The following DNAJC3 variants were observed in gnomAD, a reference collection of about 807,000 sequenced individuals.
DNAJC3 encodes the protein dnaJ homolog subfamily C member 3.
A neutral mutation model predicts 68.6 loss-of-function variants in DNAJC3; 38 were observed. That is an observed-to-expected ratio of 0.55 (90% confidence interval 0.43 to 0.73). The LOEUF is 0.73. Ranked by LOEUF, DNAJC3 falls within the 30% of genes least tolerant of loss-of-function variation. The pLI is 0.00. For missense variants in DNAJC3, 526 were observed against 591.9 expected, an observed-to-expected ratio of 0.89 and a Z score of 1.16; for synonymous variants, 203 against 204.0, an observed-to-expected ratio of 1.00 and a Z score of 0.04.
Position 95,760,804 on chromosome 13 carries a change from AATAT to A in DNAJC3, c.848+7_848+10del. On this transcript the variant is annotated splice_region_variant and intron_variant, in intron 7 of 11. Coordinates refer to ENST00000602402, the MANE Select transcript of DNAJC3 (RefSeq NM_006260.5). ...GAGCTCATCAGAGATGGCAGGTGAG[AATAT>A]GGTTGTTCCAACTGTCCAGCCATTC... The A allele has an allele frequency of 6.2e-7, 1 of 1,609,880 alleles. No individual in the cohort carries two copies. Among genetic ancestry groups the A allele is most frequent in the Non-Finnish European group, 8.5e-7 (1 of 1,177,990 alleles).
chr13:95,777,728 G>GA (rs1354787200), intron 9 of DNAJC3, among the ~76,000 whole-genome samples: 1 of 152,084 alleles, frequency 6.6e-6, no homozygotes, highest in African/African-American at 2.4e-5. Context: ...ATAATGGTAG[G>GA]ATACTTCAGT....
intron 4 of DNAJC3, among the ~76,000 whole-genome samples, chr13:95,726,370 A>C (rs903321955): frequency 1.1e-4 from 17 of 152,222 alleles, no homozygotes; most frequent in African/African-American, 3.6e-4. Context: ...TGCCATTCCA[A>C]CTGGTGTGAG....
At position 95,677,237 on chromosome 13, in the gene DNAJC3, C is replaced by A. The variant is rs1262339623; in HGVS notation, c.-19C>A. On this transcript the variant is annotated 5_prime_UTR_variant, in exon 1 of 12. Coordinates refer to ENST00000602402, the MANE Select transcript of DNAJC3 (RefSeq NM_006260.5). ...TGGGCCACACACCTTTCCTCCTCTT[C>A]ACTCGCGAGCCCTCGGACATGGTGG... 1.3e-6 allele frequency: 2 copies of A among 1,599,442 alleles called. No individual in the cohort carries two copies. The highest frequency in any genetic ancestry group is 8.5e-7 in the Non-Finnish European group (1 of 1,174,368).
At chr13:95,691,417 G>T (rs1241139210) in intron 1 of DNAJC3, among the ~76,000 whole-genome samples, 3 of 151,184 alleles carry the variant, frequency 2.0e-5, no homozygotes, top group East Asian at 3.9e-4. Flanking sequence ...ATCCCGGACG[G>T]GGCGGCAGGG....
intron 1 of DNAJC3, among the ~76,000 whole-genome samples, chr13:95,691,407 A>G (rs544280435): frequency 1.5e-5 from 2 of 136,130 alleles, no homozygotes; most frequent in African/African-American, 2.8e-5. Flanking sequence ...CGCTCCTCAC[A>G]TCCCGGACGG....
At chr13:95,745,863 G>A (rs1882289004) in intron 4 of DNAJC3, 1 of 152,190 alleles carries the variant, frequency 6.6e-6, no homozygotes, top group Non-Finnish European at 1.5e-5. Context: ...ACAAGAGGTA[G>A]GAACCTTGAG....
chr13:95,767,699 T>G (rs1416503040), intron 9 of DNAJC3, among the ~76,000 whole-genome samples: 1 of 151,010 alleles, frequency 6.6e-6, no homozygotes, highest in Non-Finnish European at 1.5e-5. Context: ...GGGTTTTTTT[T>G]TTTTTTTTGA....
intron 9 of DNAJC3, among the ~76,000 whole-genome samples, chr13:95,767,691 G>GTTTTGTTTTTTT (rs1555328430): frequency 2.4e-4 from 32 of 135,790 alleles, no homozygotes; most frequent in African/African-American, 8.8e-4. Flanking sequence ...AGTTTTTTGG[G>GTTTTGTTTTTTT]TTTTTTTTTT....
chr13:95,744,371 A>C (rs1882240992), intron 4 of DNAJC3, among the ~76,000 whole-genome samples: 1 of 152,222 alleles, frequency 6.6e-6, no homozygotes, highest in Non-Finnish European at 1.5e-5. Flanking sequence ...ACCAAGTTAA[A>C]TTTCAAAACT....
At position 95,677,273 on chromosome 13, in the gene DNAJC3, C is replaced by T. The variant is rs144235556; in HGVS notation, c.18C>T (p.Ser6=). ...CCTCGGACATGGTGGCCCCCGGCTC[C>T]GTGACCAGCCGGCTGGGCTCGGTAT... MVAPG[S]VTSRLGSVFP... Residue 6 remains serine, a synonymous_variant, in exon 1 of 12, where the codon TCC becomes TCT. Transcript: ENST00000602402. 1.0e-4 allele frequency: 168 copies of T among 1,602,864 alleles called. No individual in the cohort carries two copies. In the African/African-American group the frequency reaches 2.0e-3, roughly 19 times the overall value.
chr13:95,732,088 G>A (rs185352361), intron 4 of DNAJC3, among the ~76,000 whole-genome samples: 3 of 151,946 alleles, frequency 2.0e-5, no homozygotes, highest in Admixed American at 2.0e-4. Flanking sequence ...CTAGTATTTC[G>A]TTGAGGATGT....
At chr13:95,722,897 T>C (rs1402861840) in intron 2 of DNAJC3, among the ~76,000 whole-genome samples, 2 of 144,306 alleles carry the variant, frequency 1.4e-5, no homozygotes, top group African/African-American at 2.5e-5. Flanking sequence ...GTTTGCGAAC[T>C]TTTTTTCTAA....
At chr13:95,719,859 T>C (rs1881263965) in intron 2 of DNAJC3, among the ~76,000 whole-genome samples, 1 of 152,244 alleles carries the variant, frequency 6.6e-6, no homozygotes, top group African/African-American at 2.4e-5. Flanking sequence ...GGAGATTTTT[T>C]CTTCATGGAT....
chr13:95,739,430 G>A (rs978816433), intron 4 of DNAJC3, among the ~76,000 whole-genome samples: 1 of 151,054 alleles, frequency 6.6e-6, no homozygotes, highest in African/African-American at 2.4e-5. Context: ...TTCCAACTTG[G>A]TTCCATTCTC....
At chr13:95,688,544 G>A (rs1223581667) in intron 1 of DNAJC3, among the ~76,000 whole-genome samples, 2 of 150,138 alleles carry the variant, frequency 1.3e-5, no homozygotes, top group Non-Finnish European at 3.0e-5. Context: ...GAGACAGAGT[G>A]TTACATTGTC....
rs1396559228 is a variant in DNAJC3 at position 95,793,198 on chromosome 13, C to T, written c.*2168C>T. ...GAGAAGCAGCTCTGGTGCCACATGC[C>T]AGTGCCATGGAGGGAAATGAATTCT... is the stretch of plus-strand genomic sequence containing the variant. On this transcript the variant is annotated 3_prime_UTR_variant, in exon 12 of 12. Coordinates refer to ENST00000602402, the MANE Select transcript of DNAJC3 (RefSeq NM_006260.5). The T allele has an allele frequency of 6.6e-6, 1 of 152,240 alleles. No individual in the cohort carries two copies. The highest frequency in any genetic ancestry group is 1.5e-5 in the Non-Finnish European group (1 of 68,058). 9.4% of individuals were successfully genotyped at this position (152,240 alleles called of 1,614,324 possible).
intron 9 of DNAJC3, among the ~76,000 whole-genome samples, chr13:95,780,415 G>GT (rs1293500667): frequency 1.3e-5 from 2 of 152,152 alleles, no homozygotes; most frequent in African/African-American, 4.8e-5. Flanking sequence ...CCTGCAATAT[G>GT]CAAGGGATAC....
chr13:95,737,841 T>A (rs1160366467), intron 4 of DNAJC3, among the ~76,000 whole-genome samples: 3 of 128,768 alleles, frequency 2.3e-5, no homozygotes, highest in Non-Finnish European at 1.6e-5. Flanking sequence ...GCTCTGATTT[T>A]AGTTATTTCT....
chr13:95,709,664 C>A (rs915232972), intron 2 of DNAJC3, among the ~76,000 whole-genome samples: 1 of 131,958 alleles, frequency 7.6e-6, no homozygotes, highest in African/African-American at 2.9e-5. Context: ...GACGGAGTCT[C>A]GCTCTGTCGC....
Sources: gnomAD v4.1 joint callset for allele counts (sites outside exome capture counted in the v4.1 genomes callset) on GRCh38, gnomAD v4.1.1 for gene constraint, MANE v1.5 for transcripts, NCBI Gene and HGNC (gene_info 2026-07-23, HGNC 2026-07-21) for gene names.